Variants in EXOC2 observed in about 807,000 individuals in gnomAD.
The protein encoded by EXOC2 is SEC5-like 1.
A neutral mutation model predicts 131.8 loss-of-function variants in EXOC2; 70 were observed. The observed-to-expected ratio is 0.53, with a 90% CI of 0.44 to 0.65. The LOEUF (loss-of-function observed/expected upper bound fraction) is 0.65, where lower values mean the gene tolerates loss of function less well. EXOC2 is among the 30% of genes least tolerant of loss of function. The pLI is 0.00. For synonymous variants in EXOC2, 411 were observed against 398.4 expected (o/e 1.03, Z -0.38); for missense variants, 923 against 1,108.6 (o/e 0.83, Z 2.38).
At position 629,935 on chromosome 6, in the gene EXOC2, C is replaced by T. The variant is rs1046638395; in HGVS notation, c.322G>A (p.Val108Ile). The T allele has an allele frequency of 6.8e-6, 11 of 1,613,884 alleles. No individual in the cohort carries two copies. The Admixed American group carries it at 1.8e-4, about 27-fold the overall frequency. The part of the protein sequence containing the change: ...IGILDQSAVW[V>I]DEMNYYDMRT... ...ATATCATAATAATTCATTTCATCAA[C>T]CCACACAGCAGACTGATCCAAAATG... is the stretch of plus-strand genomic sequence containing the variant. Residue 108 changes from valine to isoleucine, a missense_variant, in exon 4 of 28, where the codon GTT becomes ATT. Coordinates refer to ENST00000230449, the MANE Select transcript of EXOC2 (RefSeq NM_018303.6).
At chr6:660,350 A>G (rs1193227004) in intron 1 of EXOC2, among the ~76,000 whole-genome samples, 1 of 152,174 alleles carries the variant, frequency 6.6e-6, no homozygotes, top group Non-Finnish European at 1.5e-5. Context: ...ACCAAACTAG[A>G]GCATTAAACC....
chr6:516,069 T>C (rs552811392), intron 23 of EXOC2, among the ~76,000 whole-genome samples: 1 of 152,310 alleles, frequency 6.6e-6, no homozygotes, highest in Admixed American at 6.5e-5. Context: ...TTTTCAGTTT[T>C]CCAGTTCAAA....
chr6:561,673 C>T (rs1757707366), intron 17 of EXOC2, among the ~76,000 whole-genome samples: 1 of 152,058 alleles, frequency 6.6e-6, no homozygotes, highest in Non-Finnish European at 1.5e-5. Context: ...GCAATCTCTG[C>T]CTCCTGGGTT....
intron 7 of EXOC2, among the ~76,000 whole-genome samples, chr6:603,606 T>C (rs1210780846): frequency 6.6e-6 from 1 of 151,870 alleles, no homozygotes; most frequent in Non-Finnish European, 1.5e-5. Flanking sequence ...ATTTTTTCTA[T>C]CTTCTTCTTT....
chr6:567,618 T>C (rs1397158372), intron 13 of EXOC2, among the ~76,000 whole-genome samples: 2 of 151,612 alleles, frequency 1.3e-5, no homozygotes, highest in Non-Finnish European at 3.0e-5. Context: ...TTTATATGCA[T>C]GTGTTATACA....
In EXOC2 at chr6:577,004, G is replaced by C. The variant is rs1192814030; in HGVS notation, c.1193-122C>G. ...CTCAATTGCTCCACTCTTAAATAAG[G>C]CATTTATTAAATAAAATAAAAAGTA... On this transcript the variant is annotated intron_variant, in intron 11 of 27. Coordinates refer to ENST00000230449, the MANE Select transcript of EXOC2 (RefSeq NM_018303.6). 3.9e-6 allele frequency: 3 copies of C among 779,054 alleles called. No homozygotes were observed. The African/African-American group carries it at 5.5e-5, about 14-fold the overall frequency. 48.3% of individuals were successfully genotyped at this position (779,054 alleles called of 1,614,324 possible). A position where few individuals can be genotyped will look rare whatever the true frequency, so the allele number is the denominator to read the frequency against.
intron 2 of EXOC2, among the ~76,000 whole-genome samples, chr6:634,781 T>A (rs1762020732): frequency 2.0e-5 from 3 of 152,188 alleles, no homozygotes; most frequent in Non-Finnish European, 2.9e-5. Flanking sequence ...ATATATTCAT[T>A]ATTCAAAATT....
intron 1 of EXOC2, among the ~76,000 whole-genome samples, chr6:663,896 C>G (rs891663908): frequency 9.2e-5 from 14 of 152,168 alleles, no homozygotes; most frequent in African/African-American, 3.1e-4. Flanking sequence ...GATGCCCACT[C>G]TCACCACTCC....
chr6:691,637 G>A (rs185978549), intron 1 of EXOC2, among the ~76,000 whole-genome samples: 1 of 152,296 alleles, frequency 6.6e-6, no homozygotes, highest in East Asian at 1.9e-4. Context: ...GTCAACAGTA[G>A]GCTATTAGTA....
At chr6:534,236 A>T (rs1197976735) in intron 22 of EXOC2, among the ~76,000 whole-genome samples, 2 of 152,212 alleles carry the variant, frequency 1.3e-5, no homozygotes, top group Non-Finnish European at 2.9e-5. Flanking sequence ...AAGTAAAGAA[A>T]TACAAGCAGA....
intron 4 of EXOC2, among the ~76,000 whole-genome samples, chr6:627,373 A>C (rs1461229573): frequency 6.6e-6 from 1 of 151,978 alleles, no homozygotes; most frequent in East Asian, 1.9e-4. Flanking sequence ...CTCTACATCT[A>C]GCCTCTCTTT....
At chr6:612,348 A>G (rs1760758289) in intron 6 of EXOC2, among the ~76,000 whole-genome samples, 1 of 152,214 alleles carries the variant, frequency 6.6e-6, no homozygotes, top group Admixed American at 6.5e-5. Flanking sequence ...TCTGAGTAGG[A>G]TTATATTTAC....
intron 23 of EXOC2, among the ~76,000 whole-genome samples, chr6:529,838 C>G (rs1765971495): frequency 6.6e-6 from 1 of 152,158 alleles, no homozygotes; most frequent in South Asian, 2.1e-4. Context: ...GATGTGTGAA[C>G]AGTTAATGTC....
rs189071723 is a variant in EXOC2, at chr6:589,453, C to A, written c.1192+3016G>T. On this transcript the variant is annotated intron_variant, in intron 11 of 27. Coordinates refer to ENST00000230449, the MANE Select transcript of EXOC2 (RefSeq NM_018303.6). ...ACTGACTGTCGTTGTTTAGGTTCAA[C>A]TGAGATTTCACCTCCTCTAGAAAAC... Among the ~76,000 whole-genome samples the A allele has an allele frequency of 5.3e-5, 8 of 152,344 alleles. No individual in the cohort carries two copies. The East Asian group carries it at 1.5e-3, about 29-fold the overall frequency.
chr6:538,082 A>G (rs1266827676), intron 22 of EXOC2, among the ~76,000 whole-genome samples: 1 of 152,222 alleles, frequency 6.6e-6, no homozygotes, highest in African/African-American at 2.4e-5. Flanking sequence ...AAGGGAAAAG[A>G]GGAGTTGAAA....
intron 18 of EXOC2, 92 bp from the exon 19 acceptor site, chr6:556,105 C>T (rs1011730694): frequency 2.4e-5 from 29 of 1,187,198 alleles, no homozygotes; most frequent in African/African-American, 9.1e-5. Context: ...AAACGTGGAA[C>T]GCTGCTGCAG....
chr6:626,598 CT>C (rs909566041), intron 4 of EXOC2, among the ~76,000 whole-genome samples: 36 of 146,984 alleles, frequency 2.4e-4, no homozygotes, highest in Admixed American at 2.7e-4. Flanking sequence ...TTCTTCAAAC[CT>C]TTTTTTTTTT....
At chr6:586,846 C>A (rs1240592818) in intron 11 of EXOC2, among the ~76,000 whole-genome samples, 5 of 152,094 alleles carry the variant, frequency 3.3e-5, no homozygotes, top group Non-Finnish European at 1.5e-5. Context: ...CTAGTCCCAC[C>A]CCTACTCAGG....
chr6:507,193 C>T (rs1439048886), intron 23 of EXOC2, among the ~76,000 whole-genome samples: 11 of 27,416 alleles, frequency 4.0e-4, no homozygotes, highest in African/African-American at 8.7e-4. Flanking sequence ...AGTGACCCCC[C>T]CCACACACAC....
Sources: gnomAD v4.1 joint callset for allele counts (sites outside exome capture counted in the v4.1 genomes callset) on GRCh38, gnomAD v4.1.1 for gene constraint, MANE v1.5 for transcripts, NCBI Gene and HGNC (gene_info 2026-07-23, HGNC 2026-07-21) for gene names.